LEMD1: variants seen among roughly 807,000 people sequenced by gnomAD.
The protein encoded by LEMD1 is LEM domain-containing protein 1.
In LEMD1, 18 loss-of-function variants were observed where a neutral mutation model predicts 17.4. That is an observed-to-expected ratio of 1.04 (90% CI 0.72 to 1.54). The LOEUF (loss-of-function observed/expected upper bound fraction) is 1.54. LEMD1 is among the 40% of genes most tolerant of loss of function. The pLI is 0.00. For missense variants in LEMD1, 195 were observed against 210.4 expected (o/e 0.93, Z 0.45); for synonymous variants, 88 against 77.8 (o/e 1.13, Z -0.69).
rs1291750813 is a variant in LEMD1, at chr1:205,381,772, G to A, written c.432C>T (p.Ile144=). ...GGAAACCTTCTTCTCTCCAGCTCTC[G>A]ATAGTCTGGTCTTCCGCGCAGTAGT... ...ERDYCAEDQT[I]ESWREEGFPV... is the part of the protein sequence containing the mutation. The change falls in exon 6 of 6, where the codon ATC becomes ATT. Residue 144 remains isoleucine, a synonymous_variant. Transcript: ENST00000367153. The A allele has an allele frequency of 2.5e-6, 4 of 1,614,028 alleles. No individual in the cohort carries two copies. Among genetic ancestry groups the A allele is most frequent in the African/African-American group, 1.3e-5 (1 of 74,902 alleles).
chr1:205,411,411 C>T (rs1226531290), intron 4 of LEMD1, among the ~76,000 whole-genome samples: 2 of 151,716 alleles, frequency 1.3e-5, no homozygotes, highest in Non-Finnish European at 2.9e-5. Flanking sequence ...AAAATTTAGC[C>T]GGGCGTGGTG....
At chr1:205,409,656 A>C (rs964336872) in intron 4 of LEMD1, among the ~76,000 whole-genome samples, 12 of 152,066 alleles carry the variant, frequency 7.9e-5, no homozygotes, top group African/African-American at 2.7e-4. Context: ...GCTGGAGTAC[A>C]GTGGCATGAA....
At chr1:205,429,409 C>T (rs932725227) in intron 1 of LEMD1, among the ~76,000 whole-genome samples, 1 of 152,154 alleles carries the variant, frequency 6.6e-6, no homozygotes, top group African/African-American at 2.4e-5. Flanking sequence ...TGGCTTGGCT[C>T]ATTTCAATGC....
At chr1:205,426,569 G>A (rs1025379375), upstream of LEMD1, among the ~76,000 whole-genome samples, 2 of 152,308 alleles carry the variant, frequency 1.3e-5, no homozygotes, top group East Asian at 1.9e-4. Flanking sequence ...GGATTGGCAG[G>A]AAGCAGAAGG....
At chr1:205,397,117 C>T (rs1000952489) in intron 4 of LEMD1, among the ~76,000 whole-genome samples, 6 of 152,240 alleles carry the variant, frequency 3.9e-5, no homozygotes, top group Non-Finnish European at 7.4e-5. Flanking sequence ...ACTCTCACTA[C>T]GTAGCAATCA....
At chr1:205,408,641 G>T (rs1342097428) in intron 4 of LEMD1, among the ~76,000 whole-genome samples, 1 of 151,772 alleles carries the variant, frequency 6.6e-6, no homozygotes, top group South Asian at 2.1e-4. Context: ...GGGACCACAG[G>T]TGCACACCAC....
At chr1:205,449,570 AACAGCACAGC>A (rs1200218042) in intron 1 of LEMD1, among the ~76,000 whole-genome samples, 2 of 152,096 alleles carry the variant, frequency 1.3e-5, no homozygotes, top group Non-Finnish European at 2.9e-5. Flanking sequence ...ATTCCCCAAC[AACAGCACAGC>A]ACAGCACAGC....
chr1:205,412,155 T>G (rs190188587), intron 4 of LEMD1, among the ~76,000 whole-genome samples: 184 of 152,316 alleles, frequency 1.2e-3, no homozygotes, highest in African/African-American at 4.4e-3. Flanking sequence ...GCCCATTTTA[T>G]GTAGCTTGAC....
rs529747882 is a variant in LEMD1, at chr1:205,385,911, G to A, written c.271-1547C>T. The A allele has an allele frequency of 5.9e-5, 9 of 152,446 alleles. No individual in the cohort carries two copies. In the East Asian group the frequency reaches 9.6e-4, roughly 16 times the overall value. 9.4% of individuals were successfully genotyped at this position (152,446 alleles called of 1,614,324 possible). A position where few individuals can be genotyped will look rare whatever the true frequency, so the allele number is the denominator to read the frequency against. Reference sequence around the variant, plus strand: ...AGTGGTATAAGGAGCTGGGACTCGCGTCAGACAGGGAAAGGACTGACAGAG... The same window carrying A: ...AGTGGTATAAGGAGCTGGGACTCGCATCAGACAGGGAAAGGACTGACAGAG... On this transcript the variant is annotated intron_variant, in intron 4 of 5. Transcript: ENST00000367153.
intron 4 of LEMD1, among the ~76,000 whole-genome samples, chr1:205,407,931 C>A (rs6421772): frequency 0.31 from 46,629 of 151,824 alleles, 7,483 homozygotes; most frequent in African/African-American, 0.38. Flanking sequence ...TTTGGCATCA[C>A]AAGTGTTTTG....
At position 205,381,589 on chromosome 1, in the gene LEMD1, A is replaced by C; in HGVS notation, c.*69T>G. On this transcript the variant is annotated 3_prime_UTR_variant, in exon 6 of 6. Transcript: ENST00000367153. ...GGGCTGCAGGCTAGGCTGGCCCTTC[A>C]GGGTAGTGTTTTGGTTCTTTCCTGA... The C allele has an allele frequency of 6.8e-7, 1 of 1,467,828 alleles. No individual in the cohort carries two copies. The allele number at this position is 1,467,828 out of a possible 1,614,324, so 90.9% of individuals were successfully genotyped here.
chr1:205,403,124 T>C (rs1456904604), intron 4 of LEMD1, among the ~76,000 whole-genome samples: 1 of 152,170 alleles, frequency 6.6e-6, no homozygotes, highest in Non-Finnish European at 1.5e-5. Context: ...TGAGGATTTT[T>C]GCATCAATGT....
chr1:205,411,099 AAAAG>A (rs1253627572), intron 4 of LEMD1, among the ~76,000 whole-genome samples: 24 of 148,256 alleles, frequency 1.6e-4, no homozygotes, highest in African/African-American at 4.5e-4. Flanking sequence ...GAAGAAAGAA[AAAAG>A]AAAGAAAGGA....
At chr1:205,382,005 C>CTT in intron 5 of LEMD1, 149 bp from the exon 6 acceptor site, 1 of 667,210 alleles carries the variant, frequency 1.5e-6, no homozygotes, top group Non-Finnish European at 2.6e-6. Context: ...AGGCTAATTT[C>CTT]TTTTTTTTTC....
At chr1:205,430,170 T>A (rs1056626435) in intron 1 of LEMD1, among the ~76,000 whole-genome samples, 4 of 152,202 alleles carry the variant, frequency 2.6e-5, no homozygotes. Flanking sequence ...GAAAAATGAA[T>A]TCTTGCCACA....
chr1:205,407,295 A>T (rs1665160355), intron 4 of LEMD1, among the ~76,000 whole-genome samples: 1 of 143,774 alleles, frequency 7.0e-6, no homozygotes, highest in Non-Finnish European at 1.5e-5. Context: ...GCACCATTGC[A>T]CTCCAGCCTG....
At chr1:205,411,257 A>G (rs1004045888) in intron 4 of LEMD1, among the ~76,000 whole-genome samples, 3 of 150,062 alleles carry the variant, frequency 2.0e-5, no homozygotes, top group African/African-American at 4.9e-5. Context: ...GGAAGGAAGG[A>G]AGGAAAAAGA....
chr1:205,416,437 C>G, intron 3 of LEMD1, 141 bp from the exon 4 acceptor site: 1 of 627,004 alleles, frequency 1.6e-6, no homozygotes. Context: ...GCTCTTCTGA[C>G]GGAAGAGAAC....
intron 4 of LEMD1, among the ~76,000 whole-genome samples, chr1:205,401,558 T>C (rs1664855303): frequency 6.6e-6 from 1 of 152,168 alleles, no homozygotes; most frequent in Non-Finnish European, 1.5e-5. Flanking sequence ...GTTTTTTTCT[T>C]GTAAATTTGT....
Sources: allele counts gnomAD v4.1 joint callset (sites outside exome capture counted in the v4.1 genomes callset), GRCh38; gene constraint gnomAD v4.1.1; transcripts MANE v1.5; gene names NCBI Gene and HGNC (gene_info 2026-07-23, HGNC 2026-07-21).